The following DAB1 variants were observed in gnomAD, a reference collection of about 807,000 sequenced individuals.
The protein encoded by DAB1 is DAB adaptor protein 1.
A neutral mutation model predicts 64.6 loss-of-function variants in DAB1; 15 were observed. The observed-to-expected ratio is 0.23, with a 90% CI of 0.16 to 0.36. The LOEUF (loss-of-function observed/expected upper bound fraction) is 0.36, where lower values mean the gene tolerates loss of function less well. Ranked by LOEUF, DAB1 falls within the 10% of genes least tolerant of loss-of-function variation. The probability of loss-of-function intolerance (pLI) is 1.00; values close to 1 mark genes in which losing one functional copy is unlikely to be tolerated. For missense variants in DAB1, 596 were observed against 706.7 expected, an observed-to-expected ratio of 0.84 and a Z score of 1.78; for synonymous variants, 235 against 251.9, an observed-to-expected ratio of 0.93 and a Z score of 0.64.
At chr1:57,157,799 A>G (rs1219613381) in intron 2 of DAB1, among the ~76,000 whole-genome samples, 1 of 152,212 alleles carries the variant, frequency 6.6e-6, no homozygotes, top group Non-Finnish European at 1.5e-5. Flanking sequence ...ATTAGGAAGG[A>G]GATGTGAAAA....
At chr1:58,360,963 G>C (rs1644158748) in intron 3 of DAB1, among the ~76,000 whole-genome samples, 2 of 152,074 alleles carry the variant, frequency 1.3e-5, no homozygotes, top group Admixed American at 1.3e-4. Context: ...ATTTTTGTGA[G>C]CGTTTTCCCC....
intron 2 of DAB1, among the ~76,000 whole-genome samples, chr1:57,206,508 A>G (rs1665549454): frequency 1.3e-5 from 2 of 152,292 alleles, no homozygotes; most frequent in African/African-American, 2.4e-5. Context: ...ATAAGTTAAA[A>G]TCTCAGGTCG....
intron 6 of DAB1, among the ~76,000 whole-genome samples, chr1:57,775,113 CCT>C (rs144641881): frequency 0.013 from 2,035 of 151,392 alleles, 43 homozygotes; most frequent in African/African-American, 0.047. Flanking sequence ...GGTGATGTCT[CCT>C]CTTTCCTTAT....
chr1:57,601,394 C>T (rs1440871518), intron 7 of DAB1, among the ~76,000 whole-genome samples: 2 of 152,060 alleles, frequency 1.3e-5, no homozygotes, highest in Admixed American at 6.5e-5. Context: ...GCCAACATGT[C>T]GAAACCCCTT....
At chr1:57,420,375 C>A (rs961057413) in intron 1 of DAB1, among the ~76,000 whole-genome samples, 2 of 152,214 alleles carry the variant, frequency 1.3e-5, no homozygotes, top group African/African-American at 4.8e-5. Flanking sequence ...GTTACCAAAT[C>A]TTCCTGTGCC....
At chr1:58,214,454 C>G (rs1658733935) in intron 4 of DAB1, among the ~76,000 whole-genome samples, 1 of 152,150 alleles carries the variant, frequency 6.6e-6, no homozygotes, top group South Asian at 2.1e-4. Flanking sequence ...ACCAGGGAGG[C>G]TGCACATACC....
At chr1:57,736,959 T>C (rs1455741757) in intron 6 of DAB1, among the ~76,000 whole-genome samples, 2 of 152,066 alleles carry the variant, frequency 1.3e-5, no homozygotes, top group Non-Finnish European at 2.9e-5. Flanking sequence ...CTAAAAAGGA[T>C]AGGGAAGAGC....
At chr1:57,147,963 C>A (rs1423202226) in intron 2 of DAB1, among the ~76,000 whole-genome samples, 1 of 152,180 alleles carries the variant, frequency 6.6e-6, no homozygotes, top group Non-Finnish European at 1.5e-5. Context: ...TGTTTTCAAG[C>A]CTGTTCGCCT....
At chr1:58,162,962 C>G (rs1338098451) in intron 4 of DAB1, among the ~76,000 whole-genome samples, 1 of 152,128 alleles carries the variant, frequency 6.6e-6, no homozygotes, top group Non-Finnish European at 1.5e-5. Flanking sequence ...GGGATTGGTA[C>G]TACAATTTAG....
intron 3 of DAB1, among the ~76,000 whole-genome samples, chr1:58,361,606 G>A (rs556041583): frequency 1.6e-4 from 24 of 152,182 alleles, no homozygotes; most frequent in African/African-American, 5.3e-4. Context: ...ATAGGTTCGG[G>A]GACTTTGCAG....
At chr1:57,032,188 G>A (rs183066838) in intron 9 of DAB1, among the ~76,000 whole-genome samples, 6 of 152,184 alleles carry the variant, frequency 3.9e-5, no homozygotes, top group East Asian at 1.9e-4. Flanking sequence ...GGCTGACCCC[G>A]AAAACACCTT....
chr1:58,317,356 T>C (rs1235900983), intron 4 of DAB1, among the ~76,000 whole-genome samples: 1 of 152,254 alleles, frequency 6.6e-6, no homozygotes, highest in Non-Finnish European at 1.5e-5. Context: ...CTCACTCTCA[T>C]GACTGCATTA....
chr1:58,544,749 A>G (rs1346535306), intron 1 of DAB1, among the ~76,000 whole-genome samples: 1 of 152,102 alleles, frequency 6.6e-6, no homozygotes, highest in Non-Finnish European at 1.5e-5. Context: ...ATGCATTACC[A>G]CATCTGGCTA....
intron 2 of DAB1, among the ~76,000 whole-genome samples, chr1:58,510,392 G>A (rs548960287): frequency 2.2e-4 from 33 of 152,060 alleles, no homozygotes; most frequent in Non-Finnish European, 4.4e-4. Flanking sequence ...CATCTCAATA[G>A]ATGCAGAAAA....
intron 4 of DAB1, among the ~76,000 whole-genome samples, chr1:58,194,314 C>T (rs1457921593): frequency 6.6e-6 from 1 of 152,112 alleles, no homozygotes; most frequent in Non-Finnish European, 1.5e-5. Flanking sequence ...CTATAAAATA[C>T]AAATATTTAC....
chr1:57,401,094 C>T (rs1683207727), intron 1 of DAB1, among the ~76,000 whole-genome samples: 2 of 151,534 alleles, frequency 1.3e-5, no homozygotes, highest in Admixed American at 6.6e-5. Flanking sequence ...GCTAAATAAT[C>T]AGATAAGTAT....
intron 5 of DAB1, among the ~76,000 whole-genome samples, chr1:57,910,952 A>T (rs1644635063): frequency 6.6e-6 from 1 of 152,156 alleles, no homozygotes; most frequent in Admixed American, 6.5e-5. Context: ...GGCAGATGTG[A>T]GGCTTAAATG....
At chr1:57,460,816 C>T (rs931350681) in intron 7 of DAB1, among the ~76,000 whole-genome samples, 1 of 152,162 alleles carries the variant, frequency 6.6e-6, no homozygotes, top group African/African-American at 2.4e-5. Context: ...ACTGCCAGTT[C>T]CCACATGTGG....
chr1:57,252,011 G>A (rs542031597), intron 2 of DAB1, among the ~76,000 whole-genome samples: 12 of 152,306 alleles, frequency 7.9e-5, no homozygotes, highest in African/African-American at 2.9e-4. Flanking sequence ...TCAAGCTGTC[G>A]TGCTTTTCCT....
Sources: gnomAD v4.1 joint callset for allele counts (sites outside exome capture counted in the v4.1 genomes callset) on GRCh38, gnomAD v4.1.1 for gene constraint, MANE v1.5 for transcripts, NCBI Gene and HGNC (gene_info 2026-07-23, HGNC 2026-07-21) for gene names.